HOXB6: variants seen among roughly 807,000 people sequenced by gnomAD.
HOXB6 encodes the protein homeobox B6, also known as homeobox protein Hox-B6.
A neutral mutation model predicts 24.2 loss-of-function variants in HOXB6; 18 were observed. That is an observed-to-expected ratio of 0.74 (90% CI 0.51 to 1.10). HOXB6 has a LOEUF of 1.10. HOXB6 is among the 50% of genes least tolerant of loss of function. HOXB6 has a pLI of 0.00. For missense variants in HOXB6, 332 were observed against 308.3 expected (o/e 1.08, Z -0.58); for synonymous variants, 159 against 139.1 (o/e 1.14, Z -1.01).
At chr17:48,601,916 C>T (rs914437167) in intron 2 of HOXB6, 1 of 350,712 alleles carries the variant, frequency 2.9e-6, no homozygotes, top group Non-Finnish European at 5.6e-6. Context: ...TCAAACGCTG[C>T]AGCAGAGGCG....
At chr17:48,602,407 G>T (rs554354594) in intron 2 of HOXB6, 1 of 365,204 alleles carries the variant, frequency 2.7e-6, no homozygotes, top group Non-Finnish European at 5.4e-6. Context: ...GGCGGTGGGG[G>T]TGTCGGCTCT....
At chr17:48,599,014 G>A (rs148040105) in intron 2 of HOXB6, among the ~76,000 whole-genome samples, 1 of 152,172 alleles carries the variant, frequency 6.6e-6, no homozygotes, top group East Asian at 1.9e-4. Context: ...GGAAGGCGGC[G>A]ACGAGGGTGG....
chr17:48,596,908 C>T lies in HOXB6; in HGVS notation c.416-236G>A. On this transcript the variant is annotated intron_variant, in intron 3 of 3. Coordinates refer to ENST00000225648, the MANE Select transcript of HOXB6 (RefSeq NM_018952.5). This position sits in a 1 kb window ranked among gnomAD's most constrained non-coding sequence, Gnocchi z 4.8. ...AGGGGAGGAGCAGTTTGAACTCCCA[C>T]CTGAGCCTGGGGGGAGGGGCTGGTC... The T allele has an allele frequency of 8.0e-6, 11 of 1,379,686 alleles. No individual in the cohort carries two copies. The highest frequency in any genetic ancestry group is 1.0e-5 in the Non-Finnish European group (11 of 1,055,234). 85.5% of individuals were successfully genotyped at this position (1,379,686 alleles called of 1,614,324 possible).
chr17:48,597,202 CCCTTATTCCTCCT>C, intron 3 of HOXB6: 1 of 478,638 alleles, frequency 2.1e-6, no homozygotes, highest in South Asian at 5.1e-5. Context: ...CTCTTCCTTC[CCCTTATTCCTCCT>C]CCCTCCTCTG....
chr17:48,601,105 T>A (rs919994652), intron 2 of HOXB6, among the ~76,000 whole-genome samples: 1 of 148,894 alleles, frequency 6.7e-6, no homozygotes, highest in Non-Finnish European at 1.5e-5. Flanking sequence ...CTCCCTCAGC[T>A]CTTTGAGGTG....
intron 2 of HOXB6, among the ~76,000 whole-genome samples, chr17:48,598,431 C>T (rs1369894301): frequency 6.6e-6 from 1 of 151,370 alleles, no homozygotes; most frequent in African/African-American, 2.4e-5. Context: ...CCTCCTTCTC[C>T]TTCGCCTTTC....
intron 2 of HOXB6, chr17:48,602,441 G>A (rs1018140606): frequency 5.2e-5 from 18 of 346,936 alleles, no homozygotes; most frequent in Non-Finnish European, 9.1e-5. Context: ...TTTGATTCAG[G>A]GCCCCTGCCC....
At chr17:48,600,352 C>T (rs1206859078) in intron 2 of HOXB6, 1 of 422,888 alleles carries the variant, frequency 2.4e-6, no homozygotes, top group Non-Finnish European at 4.7e-6. Flanking sequence ...AAAATAAGAT[C>T]TGGTGAGGAA....
intron 2 of HOXB6, chr17:48,603,688 A>G (rs2070519889): frequency 6.6e-6 from 1 of 152,208 alleles, no homozygotes. Context: ...AATCAGTATC[A>G]CGCAGAAACC....
intron 2 of HOXB6, among the ~76,000 whole-genome samples, chr17:48,599,921 C>T (rs2070417799): frequency 6.6e-6 from 1 of 152,148 alleles, no homozygotes. Flanking sequence ...TGGCAGGGGA[C>T]TGAGCTTGGA....
Sources: allele counts gnomAD v4.1 joint callset (sites outside exome capture counted in the v4.1 genomes callset), GRCh38; gene constraint gnomAD v4.1.1; non-coding constraint Gnocchi (gnomAD v3.1); transcripts MANE v1.5; gene names NCBI Gene and HGNC (gene_info 2026-07-23, HGNC 2026-07-21).